Variants in SMG7 observed in about 807,000 individuals in gnomAD.
SMG7 encodes the protein SMG7 nonsense mediated mRNA decay factor, also known as nonsense-mediated mRNA decay factor SMG7.
Under a neutral mutation model 148.2 loss-of-function variants are expected in SMG7, and 34 were observed. The ratio of observed to expected loss-of-function variants is 0.23; its 90% CI spans 0.17 to 0.31. The LOEUF (loss-of-function observed/expected upper bound fraction) is 0.31, where lower values mean the gene tolerates loss of function less well. Ranked by LOEUF, SMG7 falls within the 10% of genes least tolerant of loss-of-function variation. The pLI is 1.00. For synonymous variants in SMG7, 492 were observed against 515.1 expected (o/e 0.96, Z 0.61); for missense variants, 1,114 against 1,408.4 (o/e 0.79, Z 3.35).
chr1:183,538,431 C>G lies in SMG7; in HGVS notation c.1286C>G (p.Pro429Arg). Residue 429 changes from proline (P) to arginine (R), a missense_variant, in exon 12 of 23, where the codon CCT (proline) becomes CGT (arginine). Pro to Arg is a moderately radical substitution (Grantham distance 103, BLOSUM62 -2). This residue lies in a region of SMG7 where 102 missense variants were observed against 147.2 expected (regional missense o/e 0.69). Coordinates refer to ENST00000688051, the MANE Select transcript of SMG7 (RefSeq NM_001375584.1). The stretch of plus-strand genomic sequence containing the variant: ...TTACAAGGATTTTTGGCATTGAGAC[C>G]TTCTTTCAGGTAGGTGATAGCTGAA... Reference protein sequence around the residue: ...FELQGFLALRPSFRNLDFSKG... With the variant: ...FELQGFLALRRSFRNLDFSKG... 1 of 1,608,610 alleles carries G rather than the reference C, an allele frequency of 6.2e-7. No individual in the cohort carries two copies. Among genetic ancestry groups the G allele is most frequent in the South Asian group, 1.1e-5 (1 of 90,952 alleles).
At chr1:183,472,726 A>G (rs1013984775) in intron 1 of SMG7, 77 bp downstream of exon 1, 32 of 1,282,546 alleles carry the variant, frequency 2.5e-5, no homozygotes, top group East Asian at 3.0e-5. Context: ...CACCGAGGTA[A>G]GTCCGGGGTG....
chr1:183,501,664 T>C (rs960842656), intron 1 of SMG7, among the ~76,000 whole-genome samples: 8 of 152,202 alleles, frequency 5.3e-5, no homozygotes, highest in Non-Finnish European at 1.2e-4. Flanking sequence ...CTTGTTGGTC[T>C]GTCTCTACAT....
At chr1:183,474,445 T>A (rs1463015785) in intron 1 of SMG7, among the ~76,000 whole-genome samples, 1 of 152,122 alleles carries the variant, frequency 6.6e-6, no homozygotes, top group Non-Finnish European at 1.5e-5. Flanking sequence ...GCGCCTGTAA[T>A]GCCGGCTACT....
chr1:183,530,217 T>C (rs1392696692), intron 8 of SMG7, among the ~76,000 whole-genome samples: 1 of 152,166 alleles, frequency 6.6e-6, no homozygotes, highest in Non-Finnish European at 1.5e-5. Context: ...GAACATTTTA[T>C]ATTTCTTGGT....
intron 1 of SMG7, among the ~76,000 whole-genome samples, chr1:183,492,654 TC>T (rs1359053559): frequency 6.6e-6 from 1 of 152,222 alleles, no homozygotes; most frequent in East Asian, 1.9e-4. Flanking sequence ...TATAAATCCT[TC>T]TGAAGAATCA....
Position 183,527,934 on chromosome 1 carries a change from A to G in SMG7, c.485-22A>G, listed in dbSNP as rs1278602968. ...TACTGTTTGTTTTTTGGGTTTTTTAAAACTAATTTTCTTCTTCTTAGCTCG... is the reference window on the plus strand; with the variant it reads ...TACTGTTTGTTTTTTGGGTTTTTTAGAACTAATTTTCTTCTTCTTAGCTCG... On this transcript the variant is annotated intron_variant, in intron 5 of 22. Coordinates refer to ENST00000688051, the MANE Select transcript of SMG7 (RefSeq NM_001375584.1). This position sits in a 1 kb window ranked among gnomAD's most constrained non-coding sequence, Gnocchi z 4.0. The G allele has an allele frequency of 1.2e-6, 2 of 1,606,634 alleles. No individual in the cohort carries two copies. Among genetic ancestry groups the G allele is most frequent in the Non-Finnish European group, 1.7e-6 (2 of 1,174,676 alleles).
chr1:183,547,510 G>C (rs1347122011), intron 18 of SMG7, among the ~76,000 whole-genome samples: 6 of 152,156 alleles, frequency 3.9e-5, no homozygotes, highest in Non-Finnish European at 5.9e-5. Flanking sequence ...TGCAGAGCTG[G>C]TCACACACAC....
rs756414985 is a variant in SMG7 at position 183,528,842 on chromosome 1, A to C, written c.557-50A>C. ...ACTGATCATTTGTATTCTTATAGCA[A>C]GACTTTGTCACTCTTGGGGTTACTC... On this transcript the variant is annotated intron_variant, in intron 6 of 22. Coordinates refer to ENST00000688051, the MANE Select transcript of SMG7 (RefSeq NM_001375584.1). 2.7e-6 allele frequency: 4 copies of C among 1,485,600 alleles called. 1 individual carries two copies. The highest frequency in any genetic ancestry group is 3.5e-4 in the Middle Eastern group (2 of 5,678). 92.0% of individuals were successfully genotyped at this position (1,485,600 alleles called of 1,614,324 possible). A position where few individuals can be genotyped will look rare whatever the true frequency, so the allele number is the denominator to read the frequency against.
At chr1:183,549,187 T>C (rs756427207) in intron 18 of SMG7, 21 bp from the exon 19 acceptor site, 27 of 1,569,882 alleles carry the variant, frequency 1.7e-5, no homozygotes, top group Non-Finnish European at 2.3e-5. Flanking sequence ...CTTAATTACC[T>C]TTTTTTCTGG....
intron 4 of SMG7, chr1:183,518,540 G>T (rs189805158): frequency 1.3e-5 from 2 of 152,102 alleles, no homozygotes; most frequent in Non-Finnish European, 1.5e-5. Context: ...TTATACAATG[G>T]AATTTATCTG....
chr1:183,511,119 A>C (rs1430483172), intron 1 of SMG7, among the ~76,000 whole-genome samples: 2 of 151,990 alleles, frequency 1.3e-5, no homozygotes, highest in East Asian at 3.9e-4. Context: ...CAACATAGCA[A>C]GGCCCAGTCT....
intron 4 of SMG7, among the ~76,000 whole-genome samples, chr1:183,526,156 A>ATATT (rs1369384362): frequency 3.5e-4 from 34 of 96,618 alleles, no homozygotes; most frequent in Admixed American, 6.5e-4. Context: ...ATATATATAT[A>ATATT]TTTTTTTTTT....
chr1:183,524,401 A>G (rs2102552702), intron 4 of SMG7, among the ~76,000 whole-genome samples: 1 of 152,304 alleles, frequency 6.6e-6, no homozygotes, highest in East Asian at 1.9e-4. Flanking sequence ...GATTACAGGC[A>G]TGAGCTACCA....
rs1669926724 is a variant in SMG7, at chr1:183,546,349, T to C, written c.2742+12T>C. Reference sequence around the variant, plus strand: ...GAATGCCGTTTGAGGTGTGTGTTCTTTCCTATCACCAGGCAATTTGGAGAT... The same window carrying C: ...GAATGCCGTTTGAGGTGTGTGTTCTCTCCTATCACCAGGCAATTTGGAGAT... On this transcript the variant is annotated intron_variant, in intron 17 of 22. Coordinates refer to ENST00000688051, the MANE Select transcript of SMG7 (RefSeq NM_001375584.1). 5 of 1,594,410 alleles carry C rather than the reference T, an allele frequency of 3.1e-6. No homozygotes were observed. The highest frequency in any genetic ancestry group is 1.4e-5 in the African/African-American group (1 of 74,056).
At chr1:183,514,884 C>T (rs1663119342) in intron 2 of SMG7, among the ~76,000 whole-genome samples, 1 of 152,182 alleles carries the variant, frequency 6.6e-6, no homozygotes, top group South Asian at 2.1e-4. Context: ...AGGAGATTCT[C>T]TTTGCAAAAT....
At chr1:183,484,421 G>T in intron 1 of SMG7, among the ~76,000 whole-genome samples, 1 of 148,880 alleles carries the variant, frequency 6.7e-6, no homozygotes. Context: ...CTCACCGATA[G>T]AGGGCCAGCT....
intron 14 of SMG7, among the ~76,000 whole-genome samples, chr1:183,542,949 G>T (rs1572078447): frequency 6.7e-6 from 1 of 150,122 alleles, no homozygotes; most frequent in Admixed American, 6.6e-5. Flanking sequence ...GTGTGTGTGT[G>T]TGTGTGTGTG....
chr1:183,517,251 A>C (rs1305478982), intron 3 of SMG7, among the ~76,000 whole-genome samples: 1 of 152,242 alleles, frequency 6.6e-6, no homozygotes, highest in Non-Finnish European at 1.5e-5. Flanking sequence ...TTGGGGAAGT[A>C]AGAGATATGG....
chr1:183,524,461 A>G (rs1169389618), intron 4 of SMG7, among the ~76,000 whole-genome samples: 1 of 152,082 alleles, frequency 6.6e-6, no homozygotes, highest in East Asian at 1.9e-4. Context: ...CTTGCCCATT[A>G]CAAATGTACA....
Sources: gnomAD v4.1 joint callset for allele counts (sites outside exome capture counted in the v4.1 genomes callset) on GRCh38, gnomAD v4.1.1 for gene constraint, gnomAD v4.1.1 regional missense constraint, Gnocchi (gnomAD v3.1) non-coding constraint, MANE v1.5 for transcripts, NCBI Gene and HGNC (gene_info 2026-07-23, HGNC 2026-07-21) for gene names.